NAALADL2: variants seen among roughly 807,000 people sequenced by gnomAD.
The protein encoded by NAALADL2 is inactive N-acetylated-alpha-linked acidic dipeptidase-like protein 2.
Under a neutral mutation model 87.2 loss-of-function variants are expected in NAALADL2, and 76 were observed. The observed-to-expected ratio is 0.87, with a 90% CI of 0.72 to 1.05. NAALADL2 has a LOEUF of 1.05. Among genes scored for constraint, NAALADL2 ranks in the 50% least tolerant of loss-of-function variants. NAALADL2 has a pLI of 0.00. For synonymous variants in NAALADL2, 354 were observed against 331.0 expected (o/e 1.07, Z -0.75); for missense variants, 1,089 against 945.8 (o/e 1.15, Z -1.99).
At chr3:175,539,802 A>G (rs567623920) in intron 9 of NAALADL2, among the ~76,000 whole-genome samples, 1 of 152,304 alleles carries the variant, frequency 6.6e-6, no homozygotes, top group South Asian at 2.1e-4. Context: ...GAAAAATTTT[A>G]TGACATAATT....
rs528522687 is a variant in NAALADL2, at chr3:175,152,329, C to T, written c.545+55038C>T. Among the ~76,000 whole-genome samples the T allele has an allele frequency of 2.6e-5, 4 of 152,198 alleles. No individual in the cohort carries two copies. In the South Asian group the frequency reaches 6.2e-4, roughly 24 times the overall value. Reference sequence around the variant, plus strand: ...CATCCCATGGTAAATCAACCTAATACAAACTTGTTTTATAGTATGAACATC... The same window carrying T: ...CATCCCATGGTAAATCAACCTAATATAAACTTGTTTTATAGTATGAACATC... On this transcript the variant is annotated intron_variant, in intron 2 of 13. Transcript: ENST00000454872.
chr3:174,818,888 A>G (rs1721089967), intron 3 of NAALADL2, among the ~76,000 whole-genome samples: 1 of 152,030 alleles, frequency 6.6e-6, no homozygotes, highest in African/African-American at 2.4e-5. Flanking sequence ...CCCTTGCTTC[A>G]AACTGAGCAG....
chr3:174,869,037 A>G (rs2109593821), intron 1 of NAALADL2, among the ~76,000 whole-genome samples: 1 of 152,226 alleles, frequency 6.6e-6, no homozygotes, highest in Admixed American at 6.5e-5. Context: ...GAAGATAAAG[A>G]TGACGGAGTT....
intron 1 of NAALADL2, among the ~76,000 whole-genome samples, chr3:174,909,290 AG>A (rs1733379329): frequency 6.6e-6 from 1 of 152,046 alleles, no homozygotes; most frequent in South Asian, 2.1e-4. Flanking sequence ...GCTACTTGGA[AG>A]GCTGAGACAG....
chr3:174,950,920 A>T (rs532169851), intron 1 of NAALADL2, among the ~76,000 whole-genome samples: 1 of 152,122 alleles, frequency 6.6e-6, no homozygotes, highest in Non-Finnish European at 1.5e-5. Flanking sequence ...TCATCTATGT[A>T]TCTAGCTATT....
At chr3:175,394,684 G>C (rs1218997720) in intron 5 of NAALADL2, among the ~76,000 whole-genome samples, 1 of 152,134 alleles carries the variant, frequency 6.6e-6, no homozygotes, top group East Asian at 1.9e-4. Flanking sequence ...CTTATCTGCA[G>C]GGGATATGCT....
intron 2 of NAALADL2, among the ~76,000 whole-genome samples, chr3:175,150,276 A>G (rs984182995): frequency 6.6e-6 from 1 of 152,202 alleles, no homozygotes; most frequent in Non-Finnish European, 1.5e-5. Context: ...TATTACAAAT[A>G]AAATTTGATA....
chr3:175,607,681 A>C (rs572928629), intron 10 of NAALADL2, among the ~76,000 whole-genome samples: 53 of 152,308 alleles, frequency 3.5e-4, no homozygotes, highest in Admixed American at 6.5e-4. Context: ...CCTTAAAAAC[A>C]TGTGATTATG....
At chr3:175,041,760 A>G (rs980926910) in intron 1 of NAALADL2, among the ~76,000 whole-genome samples, 54 of 152,080 alleles carry the variant, frequency 3.6e-4, no homozygotes, top group Admixed American at 8.5e-4. Flanking sequence ...CTGTGTATCT[A>G]TCTCTATATT....
chr3:174,886,116 T>C (rs1560324656), intron 1 of NAALADL2, among the ~76,000 whole-genome samples: 1 of 151,772 alleles, frequency 6.6e-6, no homozygotes, highest in Non-Finnish European at 1.5e-5. Flanking sequence ...GGTTTCACCA[T>C]GTTAGCCAGG....
At chr3:175,404,144 G>T (rs1306627526) in intron 5 of NAALADL2, among the ~76,000 whole-genome samples, 1 of 151,978 alleles carries the variant, frequency 6.6e-6, no homozygotes, top group Non-Finnish European at 1.5e-5. Flanking sequence ...AGTTATCTAT[G>T]ATCCACTTTC....
At chr3:175,611,648 T>A (rs1040208316) in intron 10 of NAALADL2, among the ~76,000 whole-genome samples, 2 of 152,172 alleles carry the variant, frequency 1.3e-5, no homozygotes, top group Non-Finnish European at 1.5e-5. Flanking sequence ...GATAACTGAT[T>A]ATTCTCAAAT....
intron 1 of NAALADL2, among the ~76,000 whole-genome samples, chr3:174,908,556 A>G (rs1269399578): frequency 1.3e-5 from 2 of 152,106 alleles, no homozygotes; most frequent in Non-Finnish European, 2.9e-5. Flanking sequence ...TTGTGCGGGT[A>G]TATCTAATGA....
intron 2 of NAALADL2, among the ~76,000 whole-genome samples, chr3:174,651,673 T>C (rs1724378704): frequency 6.6e-6 from 1 of 152,164 alleles, no homozygotes; most frequent in South Asian, 2.1e-4. Context: ...TGAGATATTT[T>C]TTCTAACCTT....
Position 174,793,657 on chromosome 3 carries a change from GGA to G in NAALADL2, c.-9+55912_-9+55913del, listed in dbSNP as rs1481506276. ...TTCCCCTCAATAACAAAACAAAACAGGACAAAAGTCTAAGTTTCATTAAAAAT... is the reference window on the plus strand; with the variant it reads ...TTCCCCTCAATAACAAAACAAAACAGCAAAAGTCTAAGTTTCATTAAAAAT... On this transcript the variant is annotated intron_variant, in intron 3 of 3. Transcript: ENST00000434257. 2.6e-5 allele frequency among the ~76,000 whole-genome samples: 4 copies of G among 151,898 alleles called. No individual in the cohort carries two copies. In the East Asian group the frequency reaches 7.7e-4, roughly 29 times the overall value.
intron 2 of NAALADL2, among the ~76,000 whole-genome samples, chr3:175,117,937 A>G (rs1286425762): frequency 6.6e-5 from 10 of 152,086 alleles, no homozygotes; most frequent in Non-Finnish European, 1.3e-4. Flanking sequence ...ATGCAGCCAT[A>G]AAAAATGATG....
intron 1 of NAALADL2, among the ~76,000 whole-genome samples, chr3:174,461,441 T>G (rs143688471): frequency 6.0e-4 from 88 of 147,150 alleles, no homozygotes; most frequent in Non-Finnish European, 1.0e-3. Context: ...GGTAAGACTG[T>G]GGAACAAAAT....
chr3:175,192,291 C>T (rs1291507425), intron 2 of NAALADL2, among the ~76,000 whole-genome samples: 1 of 151,980 alleles, frequency 6.6e-6, no homozygotes, highest in Non-Finnish European at 1.5e-5. Flanking sequence ...AACAAAACTC[C>T]ACCTTTACCA....
chr3:175,383,976 T>G (rs1768076908), intron 5 of NAALADL2, among the ~76,000 whole-genome samples: 1 of 152,066 alleles, frequency 6.6e-6, no homozygotes, highest in Non-Finnish European at 1.5e-5. Flanking sequence ...TTCATATAAT[T>G]CTTGTTTCAT....
Sources: allele counts gnomAD v4.1 joint callset (sites outside exome capture counted in the v4.1 genomes callset), GRCh38; gene constraint gnomAD v4.1.1; transcripts MANE v1.5; gene names NCBI Gene and HGNC (gene_info 2026-07-23, HGNC 2026-07-21).